The following WDR70 variants were observed in gnomAD, a reference collection of about 807,000 sequenced individuals.
WDR70 encodes WD repeat domain 70.
Under a neutral mutation model 88.6 loss-of-function variants are expected in WDR70, and 53 were observed. That is an observed-to-expected ratio of 0.60 (90% CI 0.48 to 0.75). The LOEUF is 0.75. Ranked by LOEUF, WDR70 falls within the 30% of genes least tolerant of loss-of-function variation. WDR70 has a pLI of 0.00. For synonymous variants in WDR70, 280 were observed against 270.0 expected (o/e 1.04, Z -0.36); for missense variants, 610 against 823.2 (o/e 0.74, Z 3.17).
chr5:37,645,341 G>A (rs1365510058), intron 10 of WDR70, among the ~76,000 whole-genome samples: 2 of 151,852 alleles, frequency 1.3e-5, no homozygotes, highest in African/African-American at 4.8e-5. Flanking sequence ...TTCCATTGTG[G>A]TCAGAGAAGA....
At chr5:37,455,403 G>A (rs1478200816) in intron 7 of WDR70, among the ~76,000 whole-genome samples, 6 of 151,306 alleles carry the variant, frequency 4.0e-5, no homozygotes, top group South Asian at 2.1e-4. Context: ...CACCATGCCC[G>A]GCTAATTTTT....
intron 9 of WDR70, among the ~76,000 whole-genome samples, chr5:37,529,730 T>A (rs1741422309): frequency 6.6e-6 from 1 of 152,050 alleles, no homozygotes; most frequent in African/African-American, 2.4e-5. Context: ...TTTGGATGAG[T>A]CTTTAGGGTT....
At chr5:37,606,898 C>T (rs1157864630) in intron 10 of WDR70, among the ~76,000 whole-genome samples, 1 of 50,152 alleles carries the variant, frequency 2.0e-5, no homozygotes, top group African/African-American at 9.7e-5. Flanking sequence ...CTCCCCTCCC[C>T]TCCCCTCCCC....
At chr5:37,622,925 T>C (rs538735533) in intron 10 of WDR70, among the ~76,000 whole-genome samples, 50 of 152,138 alleles carry the variant, frequency 3.3e-4, no homozygotes, top group Non-Finnish European at 4.1e-4. Context: ...CTGTCAAAAA[T>C]GTAAAAAACC....
chr5:37,494,448 G>A (rs753759028), intron 8 of WDR70, among the ~76,000 whole-genome samples: 1 of 152,144 alleles, frequency 6.6e-6, no homozygotes, highest in Non-Finnish European at 1.5e-5. Context: ...GATGGACTAC[G>A]GTGACTGTGG....
At chr5:37,719,870 T>C (rs1747757580) in intron 13 of WDR70, among the ~76,000 whole-genome samples, 1 of 149,992 alleles carries the variant, frequency 6.7e-6, no homozygotes, top group Admixed American at 6.7e-5. Context: ...AGAGACAGAG[T>C]CTCACTCTGT....
chr5:37,613,587 C>T (rs1744247534), intron 10 of WDR70, among the ~76,000 whole-genome samples: 1 of 152,126 alleles, frequency 6.6e-6, no homozygotes, highest in Admixed American at 6.5e-5. Context: ...TTAAAGGGGG[C>T]CTAATAAAGA....
chr5:37,439,326 T>C (rs2366176), intron 6 of WDR70, among the ~76,000 whole-genome samples: 77,343 of 151,844 alleles, frequency 0.51, 22,349 homozygotes, highest in Non-Finnish European at 0.65. Context: ...ATTTATTTTT[T>C]CTTAAATCAG....
chr5:37,440,895 A>G (rs1750633811), intron 6 of WDR70, among the ~76,000 whole-genome samples: 1 of 152,258 alleles, frequency 6.6e-6, no homozygotes, highest in Admixed American at 6.5e-5. Flanking sequence ...TGTTTGTTTT[A>G]CATAAGATTT....
At chr5:37,431,554 T>C (rs1750303646) in intron 5 of WDR70, among the ~76,000 whole-genome samples, 1 of 152,216 alleles carries the variant, frequency 6.6e-6, no homozygotes, top group South Asian at 2.1e-4. Flanking sequence ...TTATTAATTT[T>C]ATTGTGCTAA....
At chr5:37,713,470 T>G (rs1031856320) in intron 13 of WDR70, among the ~76,000 whole-genome samples, 3 of 152,074 alleles carry the variant, frequency 2.0e-5, no homozygotes, top group African/African-American at 4.8e-5. Context: ...CACAAAAGTT[T>G]GATATTTTAT....
intron 5 of WDR70, among the ~76,000 whole-genome samples, chr5:37,412,175 T>G (rs1222075178): frequency 6.6e-6 from 1 of 152,048 alleles, no homozygotes; most frequent in African/African-American, 2.4e-5. Context: ...TCATCTGAGG[T>G]CAGGAGTTCG....
At chr5:37,661,639 G>C (rs1052945795) in intron 10 of WDR70, among the ~76,000 whole-genome samples, 2 of 152,134 alleles carry the variant, frequency 1.3e-5, no homozygotes, top group Non-Finnish European at 2.9e-5. Context: ...AGTGCTGATT[G>C]GTCAGGTTGG....
intron 17 of WDR70, among the ~76,000 whole-genome samples, chr5:37,735,084 G>A (rs72743196): frequency 0.031 from 4,708 of 152,212 alleles, 97 homozygotes; most frequent in Middle Eastern, 0.11. Flanking sequence ...AGTGGAGGGT[G>A]AGTAGTAATT....
intron 10 of WDR70, among the ~76,000 whole-genome samples, chr5:37,692,562 T>A (rs546153851): frequency 6.6e-6 from 1 of 152,130 alleles, no homozygotes; most frequent in Non-Finnish European, 1.5e-5. Flanking sequence ...TAGTTTAACA[T>A]ACGTAAATCA....
chr5:37,658,922 A>G (rs76275522), intron 10 of WDR70, among the ~76,000 whole-genome samples: 6,126 of 152,240 alleles, frequency 0.04, 437 homozygotes, highest in African/African-American at 0.14. Context: ...TCCTACTAGA[A>G]GACCATTTAA....
chr5:37,436,603 G>A (rs564646763), intron 5 of WDR70, among the ~76,000 whole-genome samples: 20 of 152,120 alleles, frequency 1.3e-4, no homozygotes, highest in African/African-American at 4.8e-4. Flanking sequence ...CCTCTTATGT[G>A]CCAAGAACTG....
At chr5:37,419,671 C>T (rs867759563) in intron 5 of WDR70, among the ~76,000 whole-genome samples, 3 of 151,476 alleles carry the variant, frequency 2.0e-5, no homozygotes, top group African/African-American at 4.8e-5. Flanking sequence ...AAAAATTAAC[C>T]GGGTGCGGTG....
chr5:37,415,750 C>G (rs1468213637), intron 5 of WDR70, among the ~76,000 whole-genome samples: 4 of 150,630 alleles, frequency 2.7e-5, no homozygotes, highest in African/African-American at 7.3e-5. Context: ...CCTCACTTCT[C>G]AGACGGGGCG....
Sources: gnomAD v4.1 joint callset for allele counts (sites outside exome capture counted in the v4.1 genomes callset) on GRCh38, gnomAD v4.1.1 for gene constraint, MANE v1.5 for transcripts, NCBI Gene and HGNC (gene_info 2026-07-23, HGNC 2026-07-21) for gene names.